Variants in TMEM41A observed in about 807,000 individuals in gnomAD.
The protein encoded by TMEM41A is transmembrane protein 41A.
TMEM41A carries 20 observed loss-of-function variants against 25.7 expected under a neutral mutation model. That is an observed-to-expected ratio of 0.78 (90% confidence interval 0.55 to 1.13). The LOEUF is 1.13. Among genes scored for constraint, TMEM41A ranks in the 50% most tolerant of loss-of-function variants. The pLI is 0.00. For missense variants in TMEM41A, 299 were observed against 314.3 expected (o/e 0.95, Z 0.37); for synonymous variants, 133 against 139.6 (o/e 0.95, Z 0.33).
chr3:185,495,264 A>C lies in TMEM41A; in HGVS notation c.325T>G (p.Cys109Gly). Residue 109 changes from cysteine to glycine, a missense_variant, in exon 3 of 5, where the codon TGT (cysteine) becomes GGT (glycine). Coordinates refer to ENST00000421852, the MANE Select transcript of TMEM41A (RefSeq NM_080652.4). ...GTGGCACCCACCGAGGTCAACACAC[A>C]GCACAGCAGAAGCCCCAGCCATGGC... ...FGPWLGLLLC[C>G]VLTSVGATCC... 1.2e-6 allele frequency: 2 copies of C among 1,613,982 alleles called. No homozygotes were observed. The highest frequency in any genetic ancestry group is 1.7e-6 in the Non-Finnish European group (2 of 1,180,006).
chr3:185,495,359 T>C (rs1487849755), intron 2 of TMEM41A, 44 bp from the exon 3 acceptor site: 2 of 1,586,860 alleles, frequency 1.3e-6, no homozygotes, highest in Admixed American at 3.5e-5. Flanking sequence ...ATCTGGCAGC[T>C]ACCAGGCACG....
chr3:185,497,582 C>G (rs893745954), intron 1 of TMEM41A, among the ~76,000 whole-genome samples: 5 of 152,196 alleles, frequency 3.3e-5, no homozygotes, highest in African/African-American at 7.2e-5. Flanking sequence ...TTTCAAAGAG[C>G]CTACTATTTA....
At position 185,498,091 on chromosome 3, in the gene TMEM41A, CG is replaced by C. The variant is rs200093059; in HGVS notation, c.119+751del. ...GGCCAACATAATGAGACCCCCCCCC[CG>C]CGTCCCTACTAAAAATACAAAAATT... On this transcript the variant is annotated intron_variant, in intron 1 of 4. Coordinates refer to ENST00000421852, the MANE Select transcript of TMEM41A (RefSeq NM_080652.4). 6.6e-3 allele frequency among the ~76,000 whole-genome samples: 587 copies of C among 88,840 alleles called. 7 individuals carry two copies. The highest frequency in any genetic ancestry group is 0.024 in the African/African-American group (544 of 22,984). The allele number at this position is 88,840 out of a possible 152,430, so 58.3% of individuals were successfully genotyped here. A position where few individuals can be genotyped will look rare whatever the true frequency, so the allele number is the denominator to read the frequency against.
At chr3:185,496,167 G>A (rs1719095611) in intron 2 of TMEM41A, 1 of 154,380 alleles carries the variant, frequency 6.5e-6, no homozygotes, top group Non-Finnish European at 1.4e-5. Context: ...TTGGTTGGTA[G>A]ACATCATCCT....
At chr3:185,495,072 T>C (rs960429088) in intron 3 of TMEM41A, 82 bp downstream of exon 3, 3 of 1,514,924 alleles carry the variant, frequency 2.0e-6, no homozygotes, top group Non-Finnish European at 2.7e-6. Context: ...CTGTGGGAAA[T>C]CCCTGCCACT....
chr3:185,495,057 G>T, intron 3 of TMEM41A, 97 bp downstream of exon 3: 2 of 1,429,006 alleles, frequency 1.4e-6, no homozygotes, highest in East Asian at 4.5e-5. Context: ...CAGCGTGGAA[G>T]AGTACTGTGG....
chr3:185,491,712 AG>A lies in TMEM41A; in HGVS notation c.619del (p.Leu207CysfsTer4). On this transcript the variant is annotated frameshift_variant, in exon 5 of 5. Transcript: ENST00000421852. LOFTEE classifies it high-confidence loss of function. ...NFICVQTGSI[L>X]STLTSLDALF... ...AGCATCCAGAGAGGTTAGGGTTGAC[AG>A]GATGGACCCTGTCTGCACACAGATG... 3.1e-6 allele frequency: 5 copies of A among 1,614,228 alleles called. No individual in the cohort carries two copies. Among genetic ancestry groups the A allele is most frequent in the Non-Finnish European group, 4.2e-6 (5 of 1,180,034 alleles).
At chr3:185,498,685 G>A (rs1182790595) in intron 1 of TMEM41A, 158 bp downstream of exon 1, 2 of 614,954 alleles carry the variant, frequency 3.3e-6, no homozygotes, top group Non-Finnish European at 2.8e-6. Flanking sequence ...GTGCGGACGC[G>A]GGCCCGGATA....
At chr3:185,498,517 A>C in intron 1 of TMEM41A, 1 of 256,326 alleles carries the variant, frequency 3.9e-6, no homozygotes, top group East Asian at 9.3e-5. Context: ...GGGACTGGGA[A>C]AGCAACGGCG....
rs781164476 is a variant in TMEM41A, at chr3:185,495,192, ACAC to A, written c.394_396del (p.Val132del). On this transcript the variant is annotated inframe_deletion, in exon 3 of 5. Transcript: ENST00000421852. ...AGGGCCACTTTATCAGGAAAGTAGG[ACAC>A]CACCAACTGTTTGCCAAAAATACTG... 8.7e-6 allele frequency: 14 copies of A among 1,613,944 alleles called. No homozygotes were observed. In the African/African-American group the frequency reaches 1.6e-4, roughly 18 times the overall value.
chr3:185,496,843 G>C lies in TMEM41A; in HGVS notation c.258C>G (p.Pro86=), dbSNP rs750273812. 1 of 1,607,318 alleles carries C rather than the reference G, an allele frequency of 6.2e-7. No individual in the cohort carries two copies. Among genetic ancestry groups the C allele is most frequent in the South Asian group, 1.1e-5 (1 of 89,186 alleles). ...GGACACTGACCAGGAAGCTGGAGCC[G>C]GGGATGGCAAAGCCCTGTTTGTAGA... The part of the protein sequence containing the change: ...AYLYKQGFAI[P]GSSFLNVLAG... The change falls in exon 2 of 5, where the codon CCC becomes CCG. Residue 86 remains proline (P), a synonymous_variant. Coordinates refer to ENST00000421852, the MANE Select transcript of TMEM41A (RefSeq NM_080652.4).
At chr3:185,498,020 G>C (rs1393335963) in intron 1 of TMEM41A, among the ~76,000 whole-genome samples, 2 of 152,074 alleles carry the variant, frequency 1.3e-5, no homozygotes, top group Non-Finnish European at 2.9e-5. Context: ...ACTTTGGGAG[G>C]CTGAGGCAGG....
intron 4 of TMEM41A, 78 bp from the exon 5 acceptor site, chr3:185,491,835 G>C (rs1577648424): frequency 3.6e-6 from 4 of 1,104,242 alleles, no homozygotes; most frequent in Non-Finnish European, 5.2e-6. Context: ...ATGTCACCAG[G>C]AACAGTGACT....
chr3:185,497,982 C>T (rs1719152017), intron 1 of TMEM41A, among the ~76,000 whole-genome samples: 1 of 152,042 alleles, frequency 6.6e-6, no homozygotes, highest in South Asian at 2.1e-4. Flanking sequence ...GGAGGCCAGG[C>T]GCGATGGCTC....
rs1718957804 is a variant in TMEM41A, at chr3:185,491,690, A to G, written c.642T>C (p.Asp214=). The G allele has an allele frequency of 1.2e-6, 2 of 1,614,242 alleles. No homozygotes were observed. The part of the protein sequence containing the change: ...GSILSTLTSL[D]ALFSWDTVFK... ...AGACAGTGTCCCAGGAGAAAAGAGC[A>G]TCCAGAGAGGTTAGGGTTGACAGGA... The change falls in exon 5 of 5, where the codon GAT becomes GAC. Residue 214 remains aspartate (D), a synonymous_variant. Coordinates refer to ENST00000421852, the MANE Select transcript of TMEM41A (RefSeq NM_080652.4).
In TMEM41A at chr3:185,491,470, T is replaced by C; in HGVS notation, c.*67A>G. On this transcript the variant is annotated 3_prime_UTR_variant, in exon 5 of 5. Coordinates refer to ENST00000421852, the MANE Select transcript of TMEM41A (RefSeq NM_080652.4). ...GGCAATCAAAAACAATGAGGGGCTT[T>C]AGAGGACCACATCCATTACACAAAT... 1 of 1,314,782 alleles carries C rather than the reference T, an allele frequency of 7.6e-7. No individual in the cohort carries two copies. The highest frequency in any genetic ancestry group is 1.1e-6 in the Non-Finnish European group (1 of 923,294). 81.4% of individuals were successfully genotyped at this position (1,314,782 alleles called of 1,614,324 possible). A position where few individuals can be genotyped will look rare whatever the true frequency, so the allele number is the denominator to read the frequency against.
At chr3:185,495,361 C>T in intron 2 of TMEM41A, 46 bp from the exon 3 acceptor site, 2 of 1,581,320 alleles carry the variant, frequency 1.3e-6, no homozygotes, top group Non-Finnish European at 1.7e-6. Flanking sequence ...CTGGCAGCTA[C>T]CAGGCACGTC....
chr3:185,498,694 T>C (rs1577653928), intron 1 of TMEM41A, 149 bp downstream of exon 1: 3 of 646,140 alleles, frequency 4.6e-6, no homozygotes, highest in Non-Finnish European at 7.8e-6. Flanking sequence ...CGGGCCCGGA[T>C]ACCAGACCCG....
At chr3:185,495,413 G>C (rs966077637) in intron 2 of TMEM41A, 98 bp from the exon 3 acceptor site, 1 of 1,194,930 alleles carries the variant, frequency 8.4e-7, no homozygotes, top group African/African-American at 1.5e-5. Context: ...CTCCTTCACT[G>C]CTTTTTTCCA....
Sources: gnomAD v4.1 joint callset for allele counts (sites outside exome capture counted in the v4.1 genomes callset) on GRCh38, gnomAD v4.1.1 for gene constraint, MANE v1.5 for transcripts, NCBI Gene and HGNC (gene_info 2026-07-23, HGNC 2026-07-21) for gene names.